ANO5: variants seen among roughly 807,000 people sequenced by gnomAD.
The protein encoded by ANO5 is anoctamin 5.
Under a neutral mutation model 121.0 loss-of-function variants are expected in ANO5, and 109 were observed. The observed-to-expected ratio is 0.90, with a 90% CI of 0.77 to 1.06. ANO5 has a LOEUF of 1.06. ANO5 is among the 50% of genes least tolerant of loss of function. The pLI, the probability that ANO5 is intolerant of heterozygous loss-of-function variation, is 0.00. For synonymous variants in ANO5, 406 were observed against 359.9 expected, an observed-to-expected ratio of 1.13 and a Z score of -1.45; for missense variants, 1,064 against 1,078.5, an observed-to-expected ratio of 0.99 and a Z score of 0.19.
intron 7 of ANO5, among the ~76,000 whole-genome samples, chr11:22,235,895 G>A (rs1043503831): frequency 7.9e-5 from 12 of 152,086 alleles, no homozygotes; most frequent in Admixed American, 7.2e-4. Context: ...AACTAAAGAG[G>A]AGGTTTGGAC....
At chr11:22,228,800 T>C (rs186811640) in intron 7 of ANO5, among the ~76,000 whole-genome samples, 39 of 152,112 alleles carry the variant, frequency 2.6e-4, no homozygotes, top group Admixed American at 9.2e-4. Flanking sequence ...AATGACAACA[T>C]TTCATTCTTT....
intron 9 of ANO5, 112 bp from the exon 10 acceptor site, chr11:22,250,125 C>A: frequency 1.0e-6 from 1 of 961,864 alleles, no homozygotes; most frequent in Non-Finnish European, 1.6e-6. Flanking sequence ...AATTACATGT[C>A]TAGAAAGCAG....
intron 3 of ANO5, among the ~76,000 whole-genome samples, chr11:22,217,329 A>C (rs900953193): frequency 6.6e-6 from 1 of 151,896 alleles, no homozygotes; most frequent in Non-Finnish European, 1.5e-5. Flanking sequence ...TAGGTAATTG[A>C]CCCTGTATTT....
chr11:22,278,687 G>T (rs1289773342), intron 21 of ANO5, among the ~76,000 whole-genome samples: 2 of 151,438 alleles, frequency 1.3e-5, no homozygotes, highest in African/African-American at 4.8e-5. Flanking sequence ...ATAACGTAGT[G>T]AGCTGATATT....
intron 3 of ANO5, among the ~76,000 whole-genome samples, chr11:22,213,623 C>CTT (rs58554534): frequency 5.0e-4 from 75 of 148,782 alleles, no homozygotes; most frequent in African/African-American, 1.7e-3. Context: ...TAAAGTTACT[C>CTT]TTTTTTTTTT....
intron 10 of ANO5, 138 bp from the exon 11 acceptor site, chr11:22,250,603 C>A: frequency 9.7e-7 from 1 of 1,035,996 alleles, no homozygotes; most frequent in South Asian, 1.3e-5. Flanking sequence ...CATGACTTGA[C>A]CCACTATAGA....
At chr11:22,263,114 A>AT in intron 17 of ANO5, 71 bp downstream of exon 17, 2 of 1,301,506 alleles carry the variant, frequency 1.5e-6, no homozygotes, top group Non-Finnish European at 2.2e-6. Flanking sequence ...AGAAGATGGA[A>AT]TTTTTTGATT....
chr11:22,209,299 A>G (rs1852210730), intron 2 of ANO5, among the ~76,000 whole-genome samples: 1 of 151,854 alleles, frequency 6.6e-6, no homozygotes, highest in African/African-American at 2.4e-5. Context: ...TATATTTATT[A>G]CATGATCACT....
chr11:22,241,109 G>C (rs960636003), intron 9 of ANO5, among the ~76,000 whole-genome samples: 10 of 151,686 alleles, frequency 6.6e-5, no homozygotes, highest in Admixed American at 2.6e-4. Context: ...GAGGTTTGGG[G>C]TGCAGATCCT....
At chr11:22,270,474 G>A in intron 18 of ANO5, 32 bp downstream of exon 18, 1 of 1,613,236 alleles carries the variant, frequency 6.2e-7, no homozygotes, top group Non-Finnish European at 8.5e-7. Flanking sequence ...GAAACATAGA[G>A]TTGGCATGAA....
At chr11:22,253,717 T>C (rs78220223) in intron 12 of ANO5, among the ~76,000 whole-genome samples, 50 of 152,164 alleles carry the variant, frequency 3.3e-4, no homozygotes, top group Admixed American at 6.6e-4. Context: ...AACCTGTTGT[T>C]AAGAAAGTTA....
chr11:22,272,942 TG>T lies in ANO5; in HGVS notation c.2190del (p.Trp730CysfsTer30), dbSNP rs1854678706. ...TTCTAAAGCTCATAGCATAGGTGTT[TG>T]GCAAGACATTCTTTATGGAATGGCT... ...VASKAHSIGV[W>X]QDILYGMAVL... On this transcript the variant is annotated frameshift_variant, in exon 19 of 22. Transcript: ENST00000324559. LOFTEE classifies it high-confidence loss of function. 6.2e-7 allele frequency: 1 copy of T among 1,614,136 alleles called. No individual in the cohort carries two copies. The highest frequency in any genetic ancestry group is 8.5e-7 in the Non-Finnish European group (1 of 1,180,018).
At chr11:22,275,091 T>C (rs1854786696) in intron 20 of ANO5, among the ~76,000 whole-genome samples, 1 of 152,014 alleles carries the variant, frequency 6.6e-6, no homozygotes, top group Non-Finnish European at 1.5e-5. Context: ...CTATAGATCA[T>C]ACAACATTGT....
intron 4 of ANO5, among the ~76,000 whole-genome samples, chr11:22,220,835 A>G (rs991613156): frequency 6.6e-6 from 1 of 151,932 alleles, no homozygotes; most frequent in African/African-American, 2.4e-5. Context: ...AGATCAATTT[A>G]TACATATATT....
At chr11:22,220,242 A>C (rs1380486920) in intron 4 of ANO5, among the ~76,000 whole-genome samples, 1 of 152,042 alleles carries the variant, frequency 6.6e-6, no homozygotes, top group Non-Finnish European at 1.5e-5. Flanking sequence ...TCTAATTGAC[A>C]GCCACTGTAT....
At chr11:22,252,029 C>CAAAAAAAAAAAAAAAAAAAAAA (rs10525160) in intron 12 of ANO5, among the ~76,000 whole-genome samples, 4 of 45,856 alleles carry the variant, frequency 8.7e-5, no homozygotes, top group African/African-American at 2.7e-4. Context: ...GACGCCGTCT[C>CAAAAAAAAAAAAAAAAAAAAAA]AAAAAAAAAA....
At chr11:22,279,016 C>T (rs188131618) in intron 21 of ANO5, among the ~76,000 whole-genome samples, 1 of 151,634 alleles carries the variant, frequency 6.6e-6, no homozygotes, top group Non-Finnish European at 1.5e-5. Context: ...TGAAAGAATA[C>T]CTGGATACAG....
chr11:22,261,768 C>T (rs989499415), intron 15 of ANO5: 2 of 247,048 alleles, frequency 8.1e-6, no homozygotes, highest in African/African-American at 4.6e-5. Context: ...CCCACCAGGT[C>T]CCTCCCTTGG....
chr11:22,254,396 T>C (rs1178226290), intron 12 of ANO5, among the ~76,000 whole-genome samples: 2 of 152,158 alleles, frequency 1.3e-5, no homozygotes, highest in African/African-American at 4.8e-5. Context: ...CAGAAAGGCA[T>C]GTATATGCCC....
Sources: allele counts gnomAD v4.1 joint callset (sites outside exome capture counted in the v4.1 genomes callset), GRCh38; gene constraint gnomAD v4.1.1; transcripts MANE v1.5; gene names NCBI Gene and HGNC (gene_info 2026-07-23, HGNC 2026-07-21).